Variants in WDR76 observed in about 807,000 individuals in gnomAD.
The protein encoded by WDR76 is WD repeat-containing protein 76.
Under a neutral mutation model 70.2 loss-of-function variants are expected in WDR76, and 52 were observed. That is an observed-to-expected ratio of 0.74 (90% CI 0.59 to 0.93). The LOEUF (loss-of-function observed/expected upper bound fraction) is 0.93, where lower values mean the gene tolerates loss of function less well. Ranked by LOEUF, WDR76 falls within the 40% of genes least tolerant of loss-of-function variation. The pLI, the probability that WDR76 is intolerant of heterozygous loss-of-function variation, is 0.00. For missense variants in WDR76, 756 were observed against 760.2 expected (o/e 0.99, Z 0.07); for synonymous variants, 292 against 271.1 (o/e 1.08, Z -0.76).
Position 43,839,742 on chromosome 15 carries a change from CA to C in WDR76, c.732+17del. On this transcript the variant is annotated intron_variant, in intron 5 of 12. Coordinates refer to ENST00000263795, the MANE Select transcript of WDR76 (RefSeq NM_024908.4). ...GCAGATGAAACTGTAAGGAAATGTG[CA>C]AATATAATATTTTAATGTAATAAAA... is the stretch of plus-strand genomic sequence containing the variant. 1 of 1,583,584 alleles carries C rather than the reference CA, an allele frequency of 6.3e-7. No individual in the cohort carries two copies. The highest frequency in any genetic ancestry group is 8.6e-7 in the Non-Finnish European group (1 of 1,167,026).
chr15:43,851,071 C>A lies in WDR76; in HGVS notation c.1033-16C>A. The A allele has an allele frequency of 6.2e-7, 1 of 1,611,736 alleles. No homozygotes were observed. The highest frequency in any genetic ancestry group is 8.5e-7 in the Non-Finnish European group (1 of 1,178,528). ...TAGTTTTTTTCTCTCTCCCCTTTCC[C>A]GCAACTCTCTTCCAGACCCAGCAAC... On this transcript the variant is annotated splice_polypyrimidine_tract_variant and intron_variant, in intron 8 of 12. Coordinates refer to ENST00000263795, the MANE Select transcript of WDR76 (RefSeq NM_024908.4).
chr15:43,850,786 G>C (rs2087848263), intron 8 of WDR76, among the ~76,000 whole-genome samples: 1 of 152,104 alleles, frequency 6.6e-6, no homozygotes, highest in South Asian at 2.1e-4. Context: ...AAATAGAGTA[G>C]ATTTATCATT....
chr15:43,846,629 G>A (rs1028916012), intron 8 of WDR76, among the ~76,000 whole-genome samples: 4 of 133,788 alleles, frequency 3.0e-5, no homozygotes, highest in African/African-American at 7.5e-5. Flanking sequence ...TTGAAAATTA[G>A]CATGATTAAA....
chr15:43,863,397 A>G (rs2088028703), intron 12 of WDR76, among the ~76,000 whole-genome samples: 1 of 152,114 alleles, frequency 6.6e-6, no homozygotes, highest in South Asian at 2.1e-4. Flanking sequence ...TCTGTCAGCA[A>G]TCTTCAAGAA....
chr15:43,850,537 C>T (rs990424556), intron 8 of WDR76, among the ~76,000 whole-genome samples: 4 of 152,028 alleles, frequency 2.6e-5, no homozygotes, highest in African/African-American at 4.8e-5. Flanking sequence ...CCTCGTGATC[C>T]GCCCGCCTTG....
intron 12 of WDR76, among the ~76,000 whole-genome samples, chr15:43,864,926 T>C (rs1217752977): frequency 1.3e-5 from 2 of 151,980 alleles, no homozygotes; most frequent in African/African-American, 2.4e-5. Flanking sequence ...TTTTTTAATT[T>C]TTAATTTTAA....
At chr15:43,840,373 G>T (rs1414347234) in intron 5 of WDR76, among the ~76,000 whole-genome samples, 2 of 151,796 alleles carry the variant, frequency 1.3e-5, no homozygotes, top group African/African-American at 2.4e-5. Context: ...CTACTGTAAA[G>T]ATAAATGAAA....
chr15:43,841,813 C>T (rs1339074751), intron 5 of WDR76, among the ~76,000 whole-genome samples: 2 of 152,146 alleles, frequency 1.3e-5, no homozygotes, highest in Non-Finnish European at 2.9e-5. Flanking sequence ...CAGTTATTGG[C>T]TGTGTGACTT....
chr15:43,866,233 A>G lies in WDR76; in HGVS notation c.1722A>G (p.Val574=), dbSNP rs1426630109. 3 of 1,614,106 alleles carry G rather than the reference A, an allele frequency of 1.9e-6. No homozygotes were observed. Among genetic ancestry groups the G allele is most frequent in the Non-Finnish European group, 2.5e-6 (3 of 1,180,054 alleles). Residue 574 remains valine, a synonymous_variant, in exon 13 of 13, where the codon GTA becomes GTG. Coordinates refer to ENST00000263795, the MANE Select transcript of WDR76 (RefSeq NM_024908.4). ...GCAGCATGGCCCATCCACGACGGGT[A>G]GAAATCTTCCATGAGACAGGAAAGA... is the stretch of plus-strand genomic sequence containing the variant. ...IVGSMAHPRR[V]EIFHETGKRV...
At chr15:43,835,950 C>G (rs1302464232) in intron 3 of WDR76, among the ~76,000 whole-genome samples, 1 of 150,880 alleles carries the variant, frequency 6.6e-6, no homozygotes, top group Admixed American at 6.6e-5. Flanking sequence ...ATCCACCATG[C>G]CTGGCCTGTC....
At chr15:43,838,279 A>G (rs1471441948) in intron 4 of WDR76, among the ~76,000 whole-genome samples, 1 of 152,156 alleles carries the variant, frequency 6.6e-6, no homozygotes, top group Non-Finnish European at 1.5e-5. Flanking sequence ...TCTGCCTCCC[A>G]GGTTCAAGCA....
chr15:43,831,091 C>T (rs1420932595), intron 2 of WDR76, among the ~76,000 whole-genome samples: 3 of 151,518 alleles, frequency 2.0e-5, no homozygotes, highest in South Asian at 4.2e-4. Flanking sequence ...ATTAGCCAGG[C>T]GTGGTGGCAG....
chr15:43,844,778 A>C (rs1212603715), intron 8 of WDR76, among the ~76,000 whole-genome samples: 1 of 149,458 alleles, frequency 6.7e-6, no homozygotes, highest in Non-Finnish European at 1.5e-5. Flanking sequence ...AATGGAACAA[A>C]TTAGCTAGGC....
In WDR76 at chr15:43,839,588, T is replaced by G. The variant is rs1295053069; in HGVS notation, c.609-17T>G. ...TTGTTTTGTGAGTATAACATGAGTT[T>G]TTCCCCACTCCTTTAGAAAGAAGCC... On this transcript the variant is annotated splice_polypyrimidine_tract_variant and intron_variant, in intron 4 of 12. Transcript: ENST00000263795. 2 of 1,595,856 alleles carry G rather than the reference T, an allele frequency of 1.3e-6. No individual in the cohort carries two copies. Among genetic ancestry groups the G allele is most frequent in the Non-Finnish European group, 1.7e-6 (2 of 1,172,628 alleles).
At chr15:43,854,651 C>A (rs1010322593) in intron 9 of WDR76, among the ~76,000 whole-genome samples, 2 of 151,766 alleles carry the variant, frequency 1.3e-5, no homozygotes, top group African/African-American at 4.8e-5. Context: ...GTGTAACTAT[C>A]GTAATCAAGA....
At position 43,827,065 on chromosome 15, in the gene WDR76, G is replaced by T. The variant is rs2087525885; in HGVS notation, c.33G>T (p.Ala11=). Residue 11 remains alanine, a synonymous_variant, in exon 1 of 13, where the codon GCG becomes GCT. Transcript: ENST00000263795. MSRSGAAAEK[A]DSRQRPQMKV... ...GGTCGGGCGCGGCGGCTGAGAAGGCGGACTCCAGACAGCGACCCCAGATGA... is the reference window on the plus strand; with the variant it reads ...GGTCGGGCGCGGCGGCTGAGAAGGCTGACTCCAGACAGCGACCCCAGATGA... 1 of 1,614,178 alleles carries T rather than the reference G, an allele frequency of 6.2e-7. No homozygotes were observed. Among genetic ancestry groups the T allele is most frequent in the Non-Finnish European group, 8.5e-7 (1 of 1,180,036 alleles).
rs532751189 is a variant in WDR76 at position 43,849,029 on chromosome 15, G to A, written c.1033-2058G>A. On this transcript the variant is annotated intron_variant, in intron 8 of 12. Coordinates refer to ENST00000263795, the MANE Select transcript of WDR76 (RefSeq NM_024908.4). ...GTCTCCACTAAAAATACAAAAATTA[G>A]CCAAGCATGGTGGTGGGTGCCTGTA... Among the ~76,000 whole-genome samples the A allele has an allele frequency of 4.8e-5, 7 of 146,686 alleles. No individual in the cohort carries two copies. The South Asian group carries it at 1.5e-3, about 31-fold the overall frequency.
At chr15:43,846,168 T>C (rs1302126809) in intron 8 of WDR76, among the ~76,000 whole-genome samples, 1 of 149,618 alleles carries the variant, frequency 6.7e-6, no homozygotes, top group Non-Finnish European at 1.5e-5. Context: ...TAGGGTACCA[T>C]GTAGTGAGTT....
At position 43,848,250 on chromosome 15, in the gene WDR76, A is replaced by C. The variant is rs74955522; in HGVS notation, c.1033-2837A>C. Among the ~76,000 whole-genome samples the C allele has an allele frequency of 2.5e-3, 388 of 152,246 alleles. 8 individuals carry two copies. In the East Asian group the frequency reaches 0.055, roughly 22 times the overall value. ...GTGAGACCCTATCTCAAAAAAAGAA[A>C]AAAAATTCACTTACTGCAATAAGAA... is the stretch of plus-strand genomic sequence containing the variant. On this transcript the variant is annotated intron_variant, in intron 8 of 12. Coordinates refer to ENST00000263795, the MANE Select transcript of WDR76 (RefSeq NM_024908.4).
Sources: gnomAD v4.1 joint callset for allele counts (sites outside exome capture counted in the v4.1 genomes callset) on GRCh38, gnomAD v4.1.1 for gene constraint, MANE v1.5 for transcripts, NCBI Gene and HGNC (gene_info 2026-07-23, HGNC 2026-07-21) for gene names.